MIPEP: variants seen among roughly 807,000 people sequenced by gnomAD.
The protein encoded by MIPEP is mitochondrial intermediate peptidase.
In MIPEP, 79 loss-of-function variants were observed where a neutral mutation model predicts 90.3. The observed-to-expected ratio is 0.87, with a 90% CI of 0.73 to 1.05. The LOEUF is 1.05. Ranked by LOEUF, MIPEP falls within the 50% of genes least tolerant of loss-of-function variation. The probability of loss-of-function intolerance (pLI) is 0.00; values close to 1 mark genes in which losing one functional copy is unlikely to be tolerated. For synonymous variants in MIPEP, 334 were observed against 315.8 expected, an observed-to-expected ratio of 1.06 and a Z score of -0.61; for missense variants, 940 against 905.6, an observed-to-expected ratio of 1.04 and a Z score of -0.49.
chr13:23,842,967 G>GTTACATATA (rs1566014412), intron 10 of MIPEP, among the ~76,000 whole-genome samples: 6 of 151,892 alleles, frequency 4.0e-5, no homozygotes, highest in Admixed American at 2.0e-4. Context: ...GTGTGGTGGC[G>GTTACATATA]GGTGCCTGTA....
At chr13:23,746,633 C>CAAA (rs34666099) in intron 18 of MIPEP, among the ~76,000 whole-genome samples, 111 of 99,318 alleles carry the variant, frequency 1.1e-3, no homozygotes, top group Non-Finnish European at 1.6e-3. Flanking sequence ...GACTCCCTCT[C>CAAA]AAAAAAAAAA....
At chr13:23,817,647 C>A (rs1338758834) in intron 14 of MIPEP, among the ~76,000 whole-genome samples, 1 of 152,098 alleles carries the variant, frequency 6.6e-6, no homozygotes, top group Non-Finnish European at 1.5e-5. Context: ...ATTCCGATAC[C>A]TGCATCACAA....
At chr13:23,840,661 G>A (rs1056901826) in intron 11 of MIPEP, among the ~76,000 whole-genome samples, 15 of 152,142 alleles carry the variant, frequency 9.9e-5, no homozygotes, top group African/African-American at 3.6e-4. Context: ...AGACGTGGCC[G>A]AGAGACAATG....
intron 4 of MIPEP, 51 bp from the exon 5 acceptor site, chr13:23,874,960 A>G (rs779874875): frequency 6.6e-7 from 1 of 1,516,190 alleles, no homozygotes; most frequent in East Asian, 2.4e-5. Flanking sequence ...AATTGCTAAC[A>G]AAAAAATTGT....
intron 14 of MIPEP, among the ~76,000 whole-genome samples, chr13:23,834,378 G>A (rs553179110): frequency 9.9e-4 from 150 of 152,246 alleles, no homozygotes; most frequent in Non-Finnish European, 8.8e-5. Flanking sequence ...TCCTGGCCAG[G>A]CCTCCCCAGC....
At position 23,741,972 on chromosome 13, in the gene MIPEP, C is replaced by CA. The variant is rs552497043; in HGVS notation, c.2045-11528dup. Among the ~76,000 whole-genome samples, 5 of 152,042 alleles carry CA rather than the reference C, an allele frequency of 3.3e-5. No homozygotes were observed. The East Asian group carries it at 7.7e-4, about 23-fold the overall frequency. Reference sequence around the variant, plus strand: ...ATCAGTTAGGAACAGTCTGGTGGACCAAAAAAAGAGCCTCAGGCTCCAAAA... The same window carrying CA: ...ATCAGTTAGGAACAGTCTGGTGGACCAAAAAAAAGAGCCTCAGGCTCCAAAA... On this transcript the variant is annotated intron_variant, in intron 18 of 18. Coordinates refer to ENST00000382172, the MANE Select transcript of MIPEP (RefSeq NM_005932.4).
At chr13:23,813,019 T>G (rs894122468) in intron 14 of MIPEP, among the ~76,000 whole-genome samples, 1 of 152,180 alleles carries the variant, frequency 6.6e-6, no homozygotes, top group African/African-American at 2.4e-5. Context: ...AAAAACTAGT[T>G]TGATTGTTAG....
intron 14 of MIPEP, among the ~76,000 whole-genome samples, chr13:23,828,588 C>T (rs1327105729): frequency 6.6e-6 from 1 of 152,120 alleles, no homozygotes. Flanking sequence ...GGAAGGGCAT[C>T]CAGGACGAAG....
Position 23,735,902 on chromosome 13 carries a change from TA to T in MIPEP, c.2045-5458del, listed in dbSNP as rs201617008. Among the ~76,000 whole-genome samples the T allele has an allele frequency of 9.6e-3, 1,080 of 112,626 alleles. 19 individuals carry two copies. Among genetic ancestry groups the T allele is most frequent in the African/African-American group, 0.031 (1,018 of 32,894 alleles). 73.9% of individuals were successfully genotyped at this position (112,626 alleles called of 152,430 possible). A position where few individuals can be genotyped will look rare whatever the true frequency, so the allele number is the denominator to read the frequency against. On this transcript the variant is annotated intron_variant, in intron 18 of 18. Transcript: ENST00000382172. ...TGAACTAAACCCTACACAGAAAATT[TA>T]AAAAAAAAACAAAAAAAACAATGTT... is the stretch of plus-strand genomic sequence containing the variant.
chr13:23,730,281 A>G lies in MIPEP; in HGVS notation c.*67T>C. 2.0e-6 allele frequency: 2 copies of G among 1,013,346 alleles called. No individual in the cohort carries two copies. The highest frequency in any genetic ancestry group is 1.4e-5 in the South Asian group (1 of 70,084). 62.8% of individuals were successfully genotyped at this position (1,013,346 alleles called of 1,614,324 possible). ...AATGAAATCAGAAACAAGCTCTCACAGCTGTAGCATTTATAACAAAGTCAT... is the reference window on the plus strand; with the variant it reads ...AATGAAATCAGAAACAAGCTCTCACGGCTGTAGCATTTATAACAAAGTCAT... On this transcript the variant is annotated 3_prime_UTR_variant, in exon 19 of 19. Transcript: ENST00000382172.
At chr13:23,799,770 C>T (rs1953012388) in intron 16 of MIPEP, among the ~76,000 whole-genome samples, 1 of 152,206 alleles carries the variant, frequency 6.6e-6, no homozygotes, top group South Asian at 2.1e-4. Context: ...GGTGTTTGTT[C>T]TAACGAGAAG....
intron 18 of MIPEP, among the ~76,000 whole-genome samples, chr13:23,749,966 C>A (rs527652536): frequency 6.6e-6 from 1 of 152,098 alleles, no homozygotes; most frequent in Non-Finnish European, 1.5e-5. Context: ...CCTCCCTCCC[C>A]CAAGTGGCAA....
intron 18 of MIPEP, among the ~76,000 whole-genome samples, chr13:23,738,126 T>A (rs759965637): frequency 6.6e-6 from 1 of 152,104 alleles, no homozygotes; most frequent in Non-Finnish European, 1.5e-5. Flanking sequence ...AAATGCCTAA[T>A]GTGAATTTCA....
intron 10 of MIPEP, among the ~76,000 whole-genome samples, chr13:23,849,115 C>T (rs1247344147): frequency 1.3e-5 from 2 of 152,322 alleles, no homozygotes; most frequent in East Asian, 3.9e-4. Flanking sequence ...TCATGTGGCT[C>T]CGCCTGCCTC....
At position 23,864,276 on chromosome 13, in the gene MIPEP, C is replaced by A. The variant is rs1056811942; in HGVS notation, c.944-87G>T. The A allele has an allele frequency of 6.7e-6, 6 of 901,022 alleles. No homozygotes were observed. The African/African-American group carries it at 1.0e-4, about 16-fold the overall frequency. The allele number at this position is 901,022 out of a possible 1,614,324, so 55.8% of individuals were successfully genotyped here. On this transcript the variant is annotated intron_variant, in intron 7 of 18. Coordinates refer to ENST00000382172, the MANE Select transcript of MIPEP (RefSeq NM_005932.4). ...AAAATTATTATGTGATGATCATAAT[C>A]TATATCCCACAATTCCCTTAAAGTG...
chr13:23,824,802 T>A (rs1176866527), intron 14 of MIPEP, among the ~76,000 whole-genome samples: 1 of 152,250 alleles, frequency 6.6e-6, no homozygotes, highest in African/African-American at 2.4e-5. Flanking sequence ...TTTTAAGTAG[T>A]GTTTTCTAAC....
intron 4 of MIPEP, 63 bp downstream of exon 4, chr13:23,879,203 GGA>G (rs1864138911): frequency 3.2e-6 from 3 of 939,068 alleles, no homozygotes; most frequent in Admixed American, 4.0e-5. Flanking sequence ...AGGCCCTGAG[GGA>G]GAGTCTCCCA....
chr13:23,862,651 T>G (rs1422225626), intron 8 of MIPEP, among the ~76,000 whole-genome samples: 3 of 152,210 alleles, frequency 2.0e-5, no homozygotes, highest in African/African-American at 7.2e-5. Flanking sequence ...ATGCAAAGCA[T>G]TAATCACTAA....
chr13:23,770,348 T>C (rs922751031), intron 16 of MIPEP, among the ~76,000 whole-genome samples: 1 of 152,150 alleles, frequency 6.6e-6, no homozygotes, highest in African/African-American at 2.4e-5. Context: ...GGTCGATCCA[T>C]ATGGCTCATT....
Sources: gnomAD v4.1 joint callset for allele counts (sites outside exome capture counted in the v4.1 genomes callset) on GRCh38, gnomAD v4.1.1 for gene constraint, MANE v1.5 for transcripts, NCBI Gene and HGNC (gene_info 2026-07-23, HGNC 2026-07-21) for gene names.